Variants in WASF3 observed in about 807,000 individuals in gnomAD.
WASF3 encodes actin-binding protein WASF3.
In WASF3, 11 loss-of-function variants were observed where a neutral mutation model predicts 46.6. That is an observed-to-expected ratio of 0.24 (90% CI 0.15 to 0.39). WASF3 has a LOEUF of 0.39. Among genes scored for constraint, WASF3 ranks in the 10% least tolerant of loss-of-function variants. The pLI, the probability that WASF3 is intolerant of heterozygous loss-of-function variation, is 1.00. For missense variants in WASF3, 576 were observed against 669.8 expected, an observed-to-expected ratio of 0.86 and a Z score of 1.55; for synonymous variants, 242 against 259.7, an observed-to-expected ratio of 0.93 and a Z score of 0.65.
intron 1 of WASF3, among the ~76,000 whole-genome samples, chr13:26,568,494 T>G (rs1249586458): frequency 6.6e-6 from 1 of 152,114 alleles, no homozygotes; most frequent in African/African-American, 2.4e-5. Flanking sequence ...TAGAGGGGGC[T>G]GATGAAGACT....
At chr13:26,595,111 C>G (rs1880422100) in intron 1 of WASF3, among the ~76,000 whole-genome samples, 1 of 152,134 alleles carries the variant, frequency 6.6e-6, no homozygotes, top group Non-Finnish European at 1.5e-5. Context: ...ATGGCACTTA[C>G]CATAAAGACT....
intron 3 of WASF3, among the ~76,000 whole-genome samples, chr13:26,657,764 A>G (rs1566065496): frequency 6.6e-6 from 1 of 152,250 alleles, no homozygotes; most frequent in Non-Finnish European, 1.5e-5. Flanking sequence ...GAGTGAGTAG[A>G]ATTCAGCTTT....
At chr13:26,628,186 T>C (rs1304669581) in intron 2 of WASF3, among the ~76,000 whole-genome samples, 2 of 152,096 alleles carry the variant, frequency 1.3e-5, no homozygotes, top group Non-Finnish European at 2.9e-5. Context: ...TCCTGAGAAA[T>C]AGCTTGCCAT....
chr13:26,621,928 C>A (rs1272129456), intron 2 of WASF3, among the ~76,000 whole-genome samples: 1 of 152,058 alleles, frequency 6.6e-6, no homozygotes, highest in Admixed American at 6.6e-5. Flanking sequence ...AATGAGAAGG[C>A]CACACTGAGG....
chr13:26,582,466 AG>A (rs1880009671), intron 1 of WASF3, among the ~76,000 whole-genome samples: 1 of 152,126 alleles, frequency 6.6e-6, no homozygotes, highest in Non-Finnish European at 1.5e-5. Flanking sequence ...GCCTGAGCTC[AG>A]GAGTTCGAGA....
chr13:26,564,535 A>G (rs913047987), intron 1 of WASF3, among the ~76,000 whole-genome samples: 1 of 152,204 alleles, frequency 6.6e-6, no homozygotes, highest in Non-Finnish European at 1.5e-5. Context: ...TTGCTGCGGC[A>G]GTTCCATTTT....
Position 26,650,054 on chromosome 13 carries a change from G to A in WASF3, c.133+7651G>A, listed in dbSNP as rs1882269361. ...ACTGCATTCCAGCCTGGGCAACAGA[G>A]TAAAACTGTCTCAGAAAAAAAGCGC... On this transcript the variant is annotated intron_variant, in intron 3 of 9. Coordinates refer to ENST00000335327, the MANE Select transcript of WASF3 (RefSeq NM_006646.6). 2.6e-5 allele frequency among the ~76,000 whole-genome samples: 4 copies of A among 152,074 alleles called. No individual in the cohort carries two copies. In the South Asian group the frequency reaches 8.3e-4, roughly 32 times the overall value.
chr13:26,634,329 C>T (rs1881749911), intron 2 of WASF3, among the ~76,000 whole-genome samples: 2 of 152,144 alleles, frequency 1.3e-5, no homozygotes, highest in Non-Finnish European at 2.9e-5. Context: ...CTTTGCTTTC[C>T]ATTTGCTTGG....
chr13:26,555,438 C>A (rs1332802273), upstream of WASF3, among the ~76,000 whole-genome samples: 4 of 152,148 alleles, frequency 2.6e-5, no homozygotes, highest in South Asian at 2.1e-4. Flanking sequence ...AATGCCCCAA[C>A]TTTAAATACT....
chr13:26,539,460 G>T, the WASF3 span, among the ~76,000 whole-genome samples: 1 of 152,064 alleles, frequency 6.6e-6, no homozygotes, highest in African/African-American at 2.4e-5. Context: ...CCTTAGCTGG[G>T]TTTTAGGGGC....
chr13:26,554,099 C>CT (rs1156299648), upstream of WASF3, among the ~76,000 whole-genome samples: 196 of 103,228 alleles, frequency 1.9e-3, 1 homozygote, highest in Non-Finnish European at 2.9e-3. Context: ...TTCCTTCCTT[C>CT]TTTCTTTCTT....
At chr13:26,665,271 A>G (rs1487011566) in intron 4 of WASF3, 109 bp downstream of exon 4, 3 of 1,330,726 alleles carry the variant, frequency 2.3e-6, no homozygotes, top group Admixed American at 4.2e-5. Flanking sequence ...CTGATATTTC[A>G]TCTTGTCTTT....
intron 2 of WASF3, among the ~76,000 whole-genome samples, chr13:26,633,729 G>A (rs1397688342): frequency 6.6e-6 from 1 of 152,092 alleles, no homozygotes; most frequent in East Asian, 1.9e-4. Flanking sequence ...CTTTATTTCT[G>A]CCTTCATTTC....
intron 1 of WASF3, among the ~76,000 whole-genome samples, chr13:26,564,745 A>T (rs1458919603): frequency 6.6e-6 from 1 of 152,204 alleles, no homozygotes; most frequent in Non-Finnish European, 1.5e-5. Flanking sequence ...GTATTTTTAC[A>T]TTGACTGAAA....
intron 1 of WASF3, among the ~76,000 whole-genome samples, chr13:26,597,389 C>A (rs1880501086): frequency 6.6e-6 from 1 of 152,236 alleles, no homozygotes; most frequent in African/African-American, 2.4e-5. Flanking sequence ...CCCGCCTGGG[C>A]CTCCGAAAGT....
chr13:26,684,514 A>C (rs115232044), intron 9 of WASF3, among the ~76,000 whole-genome samples: 3,040 of 152,330 alleles, frequency 0.02, 106 homozygotes, highest in African/African-American at 0.069. Flanking sequence ...ATTCTGAACC[A>C]GGGGATAATC....
the WASF3 span, among the ~76,000 whole-genome samples, chr13:26,541,070 T>A: frequency 6.6e-6 from 1 of 152,220 alleles, no homozygotes; most frequent in Non-Finnish European, 1.5e-5. Context: ...ATTATCTAAT[T>A]ATTCCACAGT....
intron 2 of WASF3, among the ~76,000 whole-genome samples, chr13:26,625,829 T>C (rs1048097207): frequency 2.0e-5 from 3 of 152,174 alleles, no homozygotes; most frequent in African/African-American, 7.2e-5. Flanking sequence ...TTCAGTATTA[T>C]TCGAAGGTAG....
At position 26,687,869 on chromosome 13, in the gene WASF3, A is replaced by G. The variant is rs1314804610; in HGVS notation, c.*2024A>G. On this transcript the variant is annotated 3_prime_UTR_variant, in exon 10 of 10. Coordinates refer to ENST00000335327, the MANE Select transcript of WASF3 (RefSeq NM_006646.6). ...GTGGGTCTAGAACTCCCCTTTGGTA[A>G]TGCTTCTTTGTTTTTTTATGGCCCT... The G allele has an allele frequency of 6.6e-6, 1 of 151,982 alleles. No homozygotes were observed. The highest frequency in any genetic ancestry group is 1.5e-5 in the Non-Finnish European group (1 of 68,006). The allele number at this position is 151,982 out of a possible 1,614,324, so 9.4% of individuals were successfully genotyped here. A position where few individuals can be genotyped will look rare whatever the true frequency, so the allele number is the denominator to read the frequency against.
Sources: allele counts gnomAD v4.1 joint callset (sites outside exome capture counted in the v4.1 genomes callset), GRCh38; gene constraint gnomAD v4.1.1; transcripts MANE v1.5; gene names NCBI Gene and HGNC (gene_info 2026-07-23, HGNC 2026-07-21).